Variants in ASTN2 observed in about 807,000 individuals in gnomAD.
ASTN2 encodes the protein astrotactin 2, also known as astrotactin-2.
In ASTN2, 54 loss-of-function variants were observed where a neutral mutation model predicts 139.8. The ratio of observed to expected loss-of-function variants is 0.39; its 90% CI spans 0.31 to 0.48. The LOEUF (loss-of-function observed/expected upper bound fraction) is 0.48, where lower values mean the gene tolerates loss of function less well. Among genes scored for constraint, ASTN2 ranks in the 20% least tolerant of loss-of-function variants. ASTN2 has a pLI of 0.95. For missense variants in ASTN2, 1,565 were observed against 1,725.1 expected, an observed-to-expected ratio of 0.91 and a Z score of 1.64; for synonymous variants, 756 against 719.5, an observed-to-expected ratio of 1.05 and a Z score of -0.81.
intron 16 of ASTN2, among the ~76,000 whole-genome samples, chr9:116,670,436 A>G (rs535511973): frequency 5.3e-5 from 8 of 152,326 alleles, no homozygotes; most frequent in South Asian, 2.1e-4. Flanking sequence ...GATTACAGGC[A>G]TAAGCCACCG....
rs1189155655 is a variant in ASTN2 at position 117,045,967 on chromosome 9, TGTATGTATGTATGTACGTACGTAC to T, written c.1277-6026_1277-6003del. ...GAGGCTGGGCTTTTGTATGTATGTA[TGTATGTATGTATGTACGTACGTAC>T]GTATGTATGTATGTATGTATGTATG... On this transcript the variant is annotated intron_variant, in intron 5 of 22. Transcript: ENST00000313400. 3.3e-3 allele frequency among the ~76,000 whole-genome samples: 390 copies of T among 119,648 alleles called. 2 individuals carry two copies. Among genetic ancestry groups the T allele is most frequent in the African/African-American group, 0.011 (360 of 32,124 alleles). The allele number at this position is 119,648 out of a possible 152,430, so 78.5% of individuals were successfully genotyped here. A position where few individuals can be genotyped will look rare whatever the true frequency, so the allele number is the denominator to read the frequency against.
At chr9:117,384,858 G>A (rs1313353076) in intron 1 of ASTN2, among the ~76,000 whole-genome samples, 2 of 152,204 alleles carry the variant, frequency 1.3e-5, no homozygotes, top group South Asian at 4.1e-4. Context: ...GGGTGGAAGG[G>A]AGGATAGGTG....
chr9:116,970,862 G>C (rs1836176104), intron 10 of ASTN2, among the ~76,000 whole-genome samples: 1 of 152,146 alleles, frequency 6.6e-6, no homozygotes, highest in South Asian at 2.1e-4. Flanking sequence ...GAGCTTTGTG[G>C]GTGATTATTA....
chr9:117,156,695 A>G (rs1324813311), intron 3 of ASTN2, among the ~76,000 whole-genome samples: 1 of 152,056 alleles, frequency 6.6e-6, no homozygotes, highest in Non-Finnish European at 1.5e-5. Context: ...CTTTGCAAAA[A>G]TGAAAACAAA....
At chr9:117,234,880 T>C (rs902211485) in intron 2 of ASTN2, among the ~76,000 whole-genome samples, 1 of 152,228 alleles carries the variant, frequency 6.6e-6, no homozygotes, top group Admixed American at 6.5e-5. Context: ...AGGTGATCCA[T>C]ATATCAGCGA....
At chr9:117,157,566 G>A (rs911121575) in intron 3 of ASTN2, among the ~76,000 whole-genome samples, 1 of 152,018 alleles carries the variant, frequency 6.6e-6, no homozygotes, top group Non-Finnish European at 1.5e-5. Context: ...CTATCTGTCT[G>A]GGTGACTTTA....
chr9:116,657,797 T>C (rs767720518), intron 16 of ASTN2, among the ~76,000 whole-genome samples: 1 of 150,284 alleles, frequency 6.7e-6, no homozygotes, highest in Non-Finnish European at 1.5e-5. Context: ...ACCGAGTTTC[T>C]GCCACTGCAT....
chr9:117,354,701 C>T (rs911590751), intron 1 of ASTN2, among the ~76,000 whole-genome samples: 12 of 152,076 alleles, frequency 7.9e-5, no homozygotes, highest in Non-Finnish European at 1.6e-4. Flanking sequence ...TCCTCCTTCC[C>T]TCCCTCCAGC....
chr9:117,266,531 T>C (rs181448872), intron 2 of ASTN2, among the ~76,000 whole-genome samples: 3 of 152,290 alleles, frequency 2.0e-5, no homozygotes, highest in East Asian at 3.9e-4. Context: ...AGATGCCAAC[T>C]TGAAAGTCCC....
intron 10 of ASTN2, among the ~76,000 whole-genome samples, chr9:116,948,266 A>G (rs186112704): frequency 4.9e-4 from 75 of 152,308 alleles, no homozygotes; most frequent in Admixed American, 6.5e-4. Context: ...AATTATGTAA[A>G]TATCTCTTTC....
rs1831266297 is a variant in ASTN2 at position 117,414,436 on chromosome 9, C to T, written c.442+61G>A. 2 of 1,593,546 alleles carry T rather than the reference C, an allele frequency of 1.3e-6. No homozygotes were observed. Among genetic ancestry groups the T allele is most frequent in the African/African-American group, 1.4e-5 (1 of 73,234 alleles). On this transcript the variant is annotated intron_variant, in intron 1 of 22. Coordinates refer to ENST00000313400, the MANE Select transcript of ASTN2 (RefSeq NM_001365068.1). The surrounding 1 kb of genome is among the most constrained non-coding windows in gnomAD (Gnocchi z 4.2). ...GATCCCCAGGGCGCCCCCACCCGTC[C>T]GGCATGACGCAGGGGCTCGGGGTTC...
In ASTN2 at chr9:116,773,318, G is replaced by A. The variant is rs531510980; in HGVS notation, c.2396+32314C>T. Among the ~76,000 whole-genome samples, 13 of 152,218 alleles carry A rather than the reference G, an allele frequency of 8.5e-5. No individual in the cohort carries two copies. In the East Asian group the frequency reaches 2.5e-3, roughly 29 times the overall value. On this transcript the variant is annotated intron_variant, in intron 13 of 22. Transcript: ENST00000313400. ...GGGTCTGTATGAACCTTCCCAACCT[G>A]ATATCATAAAGCTTTTTCCTCTCTG... is the stretch of plus-strand genomic sequence containing the variant.
Position 117,147,486 on chromosome 9 carries a change from TC to T in ASTN2, c.1016-6009del, listed in dbSNP as rs368933548. Reference sequence around the variant, plus strand: ...ACACCCCCGTTATCCACCGTTCTCTTCCCCCACGCAACCACCCAGGACGTTC... The same window carrying T: ...ACACCCCCGTTATCCACCGTTCTCTTCCCCACGCAACCACCCAGGACGTTC... On this transcript the variant is annotated intron_variant, in intron 3 of 22. Coordinates refer to ENST00000313400, the MANE Select transcript of ASTN2 (RefSeq NM_001365068.1). Among the ~76,000 whole-genome samples, 642 of 150,898 alleles carry T rather than the reference TC, an allele frequency of 4.3e-3. 4 individuals carry two copies. The highest frequency in any genetic ancestry group is 0.015 in the African/African-American group (599 of 41,126).
intron 2 of ASTN2, among the ~76,000 whole-genome samples, chr9:117,239,155 G>A (rs1833133484): frequency 6.6e-6 from 1 of 152,162 alleles, no homozygotes; most frequent in Admixed American, 6.5e-5. Context: ...GGGGAACCAA[G>A]AGGCCCTGCC....
At chr9:117,137,270 T>C (rs983786657) in intron 4 of ASTN2, among the ~76,000 whole-genome samples, 2 of 152,196 alleles carry the variant, frequency 1.3e-5, no homozygotes, top group Non-Finnish European at 2.9e-5. Context: ...CTTTTAACCA[T>C]GTGCTCAATT....
intron 12 of ASTN2, among the ~76,000 whole-genome samples, chr9:116,809,617 G>T (rs1831113227): frequency 6.6e-6 from 1 of 152,110 alleles, no homozygotes; most frequent in African/African-American, 2.4e-5. Context: ...CAAATTATAT[G>T]CAAATCCCTA....
chr9:116,445,650 T>C (rs1847964888), intron 20 of ASTN2, among the ~76,000 whole-genome samples: 1 of 152,164 alleles, frequency 6.6e-6, no homozygotes, highest in Admixed American at 6.5e-5. Flanking sequence ...GTAGAATCCT[T>C]GCTTTCTCCA....
intron 1 of ASTN2, among the ~76,000 whole-genome samples, chr9:117,326,986 G>C (rs1828538055): frequency 6.6e-6 from 1 of 152,168 alleles, no homozygotes; most frequent in Admixed American, 6.5e-5. Context: ...TTTCATGAAA[G>C]ACAATTTTTC....
At chr9:116,480,485 C>T (rs1051237864) in intron 20 of ASTN2, among the ~76,000 whole-genome samples, 3 of 152,162 alleles carry the variant, frequency 2.0e-5, no homozygotes, top group African/African-American at 7.2e-5. Context: ...AGTTACTGTT[C>T]TAGGTACCAG....
Sources: gnomAD v4.1 joint callset for allele counts (sites outside exome capture counted in the v4.1 genomes callset) on GRCh38, gnomAD v4.1.1 for gene constraint, Gnocchi (gnomAD v3.1) non-coding constraint, MANE v1.5 for transcripts, NCBI Gene and HGNC (gene_info 2026-07-23, HGNC 2026-07-21) for gene names.